The following EYS variants were observed in gnomAD, a reference collection of about 807,000 sequenced individuals.
EYS encodes protein eyes shut homolog.
EYS carries 250 observed loss-of-function variants against 282.1 expected under a neutral mutation model. The observed-to-expected ratio is 0.89, with a 90% CI of 0.80 to 0.98. The LOEUF is 0.98. Ranked by LOEUF, EYS falls within the 50% of genes least tolerant of loss-of-function variation. EYS has a pLI of 0.00. For synonymous variants in EYS, 1,355 were observed against 1,282.9 expected, an observed-to-expected ratio of 1.06 and a Z score of -1.20; for missense variants, 4,016 against 3,709.0, an observed-to-expected ratio of 1.08 and a Z score of -2.15.
chr6:63,722,123 A>G (rs1224223875), intron 42 of EYS, among the ~76,000 whole-genome samples: 1 of 152,086 alleles, frequency 6.6e-6, no homozygotes, highest in African/African-American at 2.4e-5. Flanking sequence ...GGCATTCACT[A>G]TTGTCAGGCT....
In EYS at chr6:64,558,550, C is replaced by CA. The variant is rs148137357; in HGVS notation, c.5644+31672dup. On this transcript the variant is annotated intron_variant, in intron 26 of 42. Transcript: ENST00000503581. Reference sequence around the variant, plus strand: ...GTAAAGCAGAACAGAACAACAACAACAAAAAAAACACAAACTAATTAGATT... The same window carrying CA: ...GTAAAGCAGAACAGAACAACAACAACAAAAAAAAACACAAACTAATTAGATT... Among the ~76,000 whole-genome samples, 1,127 of 151,528 alleles carry CA rather than the reference C, an allele frequency of 7.4e-3. 10 individuals carry two copies. Among genetic ancestry groups the CA allele is most frequent in the African/African-American group, 0.022 (916 of 41,346 alleles).
At chr6:63,976,697 G>T (rs1488316860) in intron 35 of EYS, among the ~76,000 whole-genome samples, 1 of 151,848 alleles carries the variant, frequency 6.6e-6, no homozygotes, top group Non-Finnish European at 1.5e-5. Context: ...TGAATCTTTG[G>T]TATGTGGTTT....
chr6:65,334,969 T>G lies in EYS; in HGVS notation c.1766+11A>C. On this transcript the variant is annotated intron_variant, in intron 11 of 42. Coordinates refer to ENST00000503581, the MANE Select transcript of EYS (RefSeq NM_001142800.2). Reference sequence around the variant, plus strand: ...TATGTGATATTATCTGCTCAAATGATACATAAATACCTGGGTCTATTAATT... The same window carrying G: ...TATGTGATATTATCTGCTCAAATGAGACATAAATACCTGGGTCTATTAATT... 6.2e-7 allele frequency: 1 copy of G among 1,602,564 alleles called. No individual in the cohort carries two copies. Among genetic ancestry groups the G allele is most frequent in the Non-Finnish European group, 8.5e-7 (1 of 1,171,902 alleles).
At chr6:64,770,231 C>A (rs898581531) in intron 22 of EYS, among the ~76,000 whole-genome samples, 1 of 151,762 alleles carries the variant, frequency 6.6e-6, no homozygotes, top group Non-Finnish European at 1.5e-5. Context: ...AAGAATTATA[C>A]AAGCATATTT....
At chr6:65,106,366 T>A (rs1775038244) in intron 12 of EYS, among the ~76,000 whole-genome samples, 1 of 152,052 alleles carries the variant, frequency 6.6e-6, no homozygotes, top group Non-Finnish European at 1.5e-5. Context: ...ACATTACCAC[T>A]GAGGTTGTTT....
At chr6:64,488,353 C>T (rs931949987) in intron 26 of EYS, among the ~76,000 whole-genome samples, 1 of 150,926 alleles carries the variant, frequency 6.6e-6, no homozygotes, top group African/African-American at 2.4e-5. Flanking sequence ...ATTGCATGCT[C>T]ACTGGCAGAT....
chr6:63,881,137 C>T (rs987498225), intron 35 of EYS, among the ~76,000 whole-genome samples: 15 of 152,180 alleles, frequency 9.9e-5, no homozygotes, highest in Non-Finnish European at 1.5e-4. Flanking sequence ...CCCTCAATTG[C>T]TCCTTCAGAT....
At chr6:65,299,856 T>C (rs1582115163) in intron 11 of EYS, among the ~76,000 whole-genome samples, 1 of 152,106 alleles carries the variant, frequency 6.6e-6, no homozygotes, top group Admixed American at 6.6e-5. Context: ...TATTTACATT[T>C]CTTACACTGC....
intron 36 of EYS, among the ~76,000 whole-genome samples, chr6:63,833,143 A>T (rs542411793): frequency 3.9e-5 from 6 of 152,218 alleles, no homozygotes; most frequent in Admixed American, 2.6e-4. Context: ...AGCATTCCAT[A>T]TGAAAACTGG....
At chr6:64,647,820 T>A (rs1389927668) in intron 22 of EYS, among the ~76,000 whole-genome samples, 1 of 152,198 alleles carries the variant, frequency 6.6e-6, no homozygotes, top group East Asian at 1.9e-4. Context: ...CGACTCCTTA[T>A]AGGTAGGAAC....
intron 22 of EYS, among the ~76,000 whole-genome samples, chr6:64,768,613 T>A (rs1334759119): frequency 6.6e-6 from 1 of 152,176 alleles, no homozygotes; most frequent in East Asian, 1.9e-4. Flanking sequence ...TTATTATCAC[T>A]TCAGGGTAGC....
At chr6:65,615,781 A>G (rs1412051585) in intron 2 of EYS, among the ~76,000 whole-genome samples, 1 of 152,018 alleles carries the variant, frequency 6.6e-6, no homozygotes, top group South Asian at 2.1e-4. Context: ...AAAAATACAA[A>G]AAATTAGCCG....
intron 22 of EYS, among the ~76,000 whole-genome samples, chr6:64,663,630 C>T (rs1583014360): frequency 6.6e-6 from 1 of 152,160 alleles, no homozygotes; most frequent in African/African-American, 2.4e-5. Context: ...TATTTAATTG[C>T]TCTTCCCACA....
At chr6:64,707,993 T>C (rs529179142) in intron 22 of EYS, among the ~76,000 whole-genome samples, 15 of 152,102 alleles carry the variant, frequency 9.9e-5, no homozygotes, top group African/African-American at 3.1e-4. Flanking sequence ...CATAAAATTA[T>C]ATAAAATAGA....
At chr6:64,175,630 G>T (rs1764605355) in intron 31 of EYS, among the ~76,000 whole-genome samples, 1 of 152,122 alleles carries the variant, frequency 6.6e-6, no homozygotes, top group Non-Finnish European at 1.5e-5. Flanking sequence ...AAGAACACTG[G>T]GGCATCTCAC....
intron 19 of EYS, among the ~76,000 whole-genome samples, chr6:64,851,600 T>C (rs575374845): frequency 1.3e-5 from 2 of 152,224 alleles, no homozygotes; most frequent in South Asian, 2.1e-4. Context: ...GGATACACCA[T>C]GGAATACTAT....
Position 64,439,172 on chromosome 6 carries a change from C to T in EYS, c.5825G>A (p.Gly1942Asp), listed in dbSNP as rs1236705592. Residue 1942 changes from glycine to aspartate, a missense_variant, in exon 27 of 43, where the codon GGT becomes GAT. Coordinates refer to ENST00000503581, the MANE Select transcript of EYS (RefSeq NM_001142800.2). ...GFFIQLFIENGTLKYHFYCPG... is the reference protein window; with the variant it reads ...GFFIQLFIENDTLKYHFYCPG... ...AACTGAATAACTTACCTTTAAAGTA[C>T]CATTTTCAATAAACAATTGAATAAA... 2 of 1,440,480 alleles carry T rather than the reference C, an allele frequency of 1.4e-6. No individual in the cohort carries two copies. The highest frequency in any genetic ancestry group is 1.5e-5 in the African/African-American group (1 of 67,498). The allele number at this position is 1,440,480 out of a possible 1,614,324, so 89.2% of individuals were successfully genotyped here.
At chr6:64,961,639 T>C (rs1026576207) in intron 14 of EYS, among the ~76,000 whole-genome samples, 4 of 152,126 alleles carry the variant, frequency 2.6e-5, no homozygotes, top group African/African-American at 7.2e-5. Context: ...ATCAGTACAA[T>C]GGAATAAGTC....
chr6:64,024,167 C>T (rs943919838), intron 33 of EYS, among the ~76,000 whole-genome samples: 13 of 152,224 alleles, frequency 8.5e-5, no homozygotes, highest in African/African-American at 2.2e-4. Flanking sequence ...AGCCCTGGTG[C>T]GGGATCCACT....
Sources: allele counts gnomAD v4.1 joint callset (sites outside exome capture counted in the v4.1 genomes callset), GRCh38; gene constraint gnomAD v4.1.1; transcripts MANE v1.5; gene names NCBI Gene and HGNC (gene_info 2026-07-23, HGNC 2026-07-21).